Variants in MCCC2 observed in about 807,000 individuals in gnomAD.
MCCC2 encodes the protein methylcrotonyl-CoA carboxylase subunit 2, also known as methylcrotonoyl-CoA carboxylase beta chain, mitochondrial.
In MCCC2, 52 loss-of-function variants were observed where a neutral mutation model predicts 77.2. That is an observed-to-expected ratio of 0.67 (90% CI 0.54 to 0.85). MCCC2 has a LOEUF of 0.85. Ranked by LOEUF, MCCC2 falls within the 40% of genes least tolerant of loss-of-function variation. The pLI, the probability that MCCC2 is intolerant of heterozygous loss-of-function variation, is 0.00. For synonymous variants in MCCC2, 253 were observed against 248.4 expected, an observed-to-expected ratio of 1.02 and a Z score of -0.18; for missense variants, 682 against 703.2, an observed-to-expected ratio of 0.97 and a Z score of 0.34.
At chr5:71,587,981 T>C (rs980816150) in intron 1 of MCCC2, among the ~76,000 whole-genome samples, 4 of 152,094 alleles carry the variant, frequency 2.6e-5, no homozygotes, top group Non-Finnish European at 4.4e-5. Flanking sequence ...AAAAGTTGAT[T>C]ATGATGGCCG....
intron 16 of MCCC2, among the ~76,000 whole-genome samples, chr5:71,654,222 C>G (rs1747520988): frequency 6.6e-6 from 1 of 152,110 alleles, no homozygotes; most frequent in African/African-American, 2.4e-5. Flanking sequence ...GTCTTGAATG[C>G]CTGAGCTCAA....
At chr5:71,636,291 A>T (rs1233235003) in intron 10 of MCCC2, 1 of 162,486 alleles carries the variant, frequency 6.2e-6, no homozygotes, top group African/African-American at 2.4e-5. Flanking sequence ...TTGAGCTTCA[A>T]GTGATACTTC....
At chr5:71,656,169 C>T (rs1249787418) in intron 16 of MCCC2, among the ~76,000 whole-genome samples, 1 of 152,296 alleles carries the variant, frequency 6.6e-6, no homozygotes, top group Middle Eastern at 3.4e-3. Flanking sequence ...GAACTGAGAT[C>T]GTGCCACTGC....
At chr5:71,597,295 G>A (rs1194473679) in intron 3 of MCCC2, among the ~76,000 whole-genome samples, 1 of 152,148 alleles carries the variant, frequency 6.6e-6, no homozygotes, top group Non-Finnish European at 1.5e-5. Flanking sequence ...TAGGAGATGG[G>A]TCAGATCCTG....
chr5:71,629,225 A>T (rs1318473629), intron 7 of MCCC2, among the ~76,000 whole-genome samples: 1 of 151,220 alleles, frequency 6.6e-6, no homozygotes, highest in Non-Finnish European at 1.5e-5. Flanking sequence ...AGAAAGAAAG[A>T]AACAGAAAAG....
intron 13 of MCCC2, among the ~76,000 whole-genome samples, chr5:71,648,761 C>T (rs1169233898): frequency 2.0e-5 from 3 of 152,182 alleles, no homozygotes; most frequent in African/African-American, 7.2e-5. Context: ...CTGATCCTCC[C>T]GCTTAGGCTT....
intron 7 of MCCC2, among the ~76,000 whole-genome samples, chr5:71,630,581 G>A (rs1746675797): frequency 6.6e-6 from 1 of 151,354 alleles, no homozygotes; most frequent in South Asian, 2.1e-4. Flanking sequence ...CTTATAATTT[G>A]TTATTGTCTG....
At position 71,607,163 on chromosome 5, in the gene MCCC2, T is replaced by C. The variant is rs1247205356; in HGVS notation, c.624+2695T>C. Among the ~76,000 whole-genome samples, 525 of 151,824 alleles carry C rather than the reference T, an allele frequency of 3.5e-3. 3 individuals carry two copies. The highest frequency in any genetic ancestry group is 0.012 in the African/African-American group (498 of 41,172). On this transcript the variant is annotated intron_variant, in intron 6 of 16. Transcript: ENST00000340941. ...TTCAGAAGGAATGGTACCAGTTCCT[T>C]CTTGTACCTCTGGTAGAATTCGGCT...
At chr5:71,601,058 A>G (rs1047306710) in intron 4 of MCCC2, among the ~76,000 whole-genome samples, 13 of 152,228 alleles carry the variant, frequency 8.5e-5, no homozygotes, top group African/African-American at 3.1e-4. Flanking sequence ...CACCTGGATT[A>G]AAGATAAGAG....
chr5:71,592,493 T>C (rs1745019742), intron 1 of MCCC2, among the ~76,000 whole-genome samples: 4 of 152,178 alleles, frequency 2.6e-5, no homozygotes, highest in Admixed American at 2.6e-4. Flanking sequence ...TCTCAGATAG[T>C]GACTGATGGG....
chr5:71,649,402 A>G (rs1195857140), intron 14 of MCCC2, 149 bp downstream of exon 14: 2 of 760,830 alleles, frequency 2.6e-6, no homozygotes, highest in Non-Finnish European at 4.3e-6. Context: ...GAGGGGTGAA[A>G]TGAAATTTAA....
chr5:71,607,320 G>A (rs1270218809), intron 6 of MCCC2, among the ~76,000 whole-genome samples: 1 of 152,104 alleles, frequency 6.6e-6, no homozygotes, highest in South Asian at 2.1e-4. Flanking sequence ...TTTGTGTGTC[G>A]AGGAATTTAT....
intron 14 of MCCC2, 69 bp downstream of exon 14, chr5:71,649,322 T>C (rs1035243987): frequency 1.4e-6 from 2 of 1,434,776 alleles, no homozygotes; most frequent in African/African-American, 2.8e-5. Context: ...TCAGTTTATT[T>C]CAGGTGTATT....
intron 7 of MCCC2, among the ~76,000 whole-genome samples, chr5:71,629,842 T>G (rs1746651640): frequency 2.0e-5 from 3 of 152,076 alleles, no homozygotes; most frequent in African/African-American, 7.2e-5. Flanking sequence ...AAAATTTACC[T>G]TTGTATAGTA....
At chr5:71,650,859 C>T (rs1357492472) in intron 15 of MCCC2, among the ~76,000 whole-genome samples, 4 of 152,104 alleles carry the variant, frequency 2.6e-5, no homozygotes, top group Non-Finnish European at 5.9e-5. Context: ...CTGTGTTAGC[C>T]AGGATGGTCT....
chr5:71,618,548 CCTTTCTTT>C (rs879780856), intron 6 of MCCC2, among the ~76,000 whole-genome samples: 1 of 35,680 alleles, frequency 2.8e-5, no homozygotes, highest in Non-Finnish European at 5.6e-5. Context: ...TTCCTTCCTT[CCTTTCTTT>C]CTTTCTCTTT....
At chr5:71,599,923 T>C (rs1397745892) in intron 4 of MCCC2, among the ~76,000 whole-genome samples, 163 bp downstream of exon 4, 1 of 152,180 alleles carries the variant, frequency 6.6e-6, no homozygotes, top group Non-Finnish European at 1.5e-5. Context: ...CCCAGCACTT[T>C]GGGAGGCTGA....
In MCCC2 at chr5:71,644,032, CATGTGT is replaced by C. The variant is rs1208481296; in HGVS notation, c.1149+138_1149+143del. 4.5e-5 allele frequency: 24 copies of C among 538,816 alleles called. 1 individual carries two copies. Among genetic ancestry groups the C allele is most frequent in the African/African-American group, 2.8e-4 (12 of 42,434 alleles). 33.4% of individuals were successfully genotyped at this position (538,816 alleles called of 1,614,324 possible). A position where few individuals can be genotyped will look rare whatever the true frequency, so the allele number is the denominator to read the frequency against. ...GCAACCAGAACACTGTGTGCGCGGG[CATGTGT>C]GTGTGTGTGTGTGTGTGTGTGTGTG... On this transcript the variant is annotated intron_variant, in intron 12 of 16. Coordinates refer to ENST00000340941, the MANE Select transcript of MCCC2 (RefSeq NM_022132.5).
chr5:71,640,420 G>T, intron 10 of MCCC2, among the ~76,000 whole-genome samples: 1 of 128,016 alleles, frequency 7.8e-6, no homozygotes, highest in Admixed American at 9.0e-5. Context: ...TGAGGAAACT[G>T]AAGCTTAAAG....
Sources: gnomAD v4.1 joint callset for allele counts (sites outside exome capture counted in the v4.1 genomes callset) on GRCh38, gnomAD v4.1.1 for gene constraint, MANE v1.5 for transcripts, NCBI Gene and HGNC (gene_info 2026-07-23, HGNC 2026-07-21) for gene names.